Variants in GALNT14 observed in about 807,000 individuals in gnomAD.
GALNT14 encodes the protein UDP-GalNAc:polypeptide N-acetylgalactosaminyltransferase 14.
GALNT14 carries 60 observed loss-of-function variants against 77.5 expected under a neutral mutation model. That is an observed-to-expected ratio of 0.77 (90% CI 0.63 to 0.96). GALNT14 has a LOEUF of 0.96. Among genes scored for constraint, GALNT14 ranks in the 40% least tolerant of loss-of-function variants. GALNT14 has a pLI of 0.00. For synonymous variants in GALNT14, 280 were observed against 281.7 expected (o/e 0.99, Z 0.06); for missense variants, 710 against 731.0 (o/e 0.97, Z 0.33).
chr2:30,958,823 G>A (rs1667519993), intron 3 of GALNT14, among the ~76,000 whole-genome samples: 1 of 152,146 alleles, frequency 6.6e-6, no homozygotes, highest in African/African-American at 2.4e-5. Flanking sequence ...AACCTCTTCT[G>A]TCTAGTTTAT....
intron 13 of GALNT14, among the ~76,000 whole-genome samples, chr2:30,915,708 T>G (rs966168335): frequency 1.3e-5 from 2 of 152,108 alleles, no homozygotes; most frequent in Non-Finnish European, 2.9e-5. Flanking sequence ...GTGGCTTCGT[T>G]TGGGGGCCTG....
intron 2 of GALNT14, among the ~76,000 whole-genome samples, chr2:30,988,775 C>T: frequency 6.6e-6 from 1 of 152,208 alleles, no homozygotes; most frequent in East Asian, 1.9e-4. Context: ...CAGTTCAGAT[C>T]GCTAAACTCC....
chr2:31,036,995 T>C (rs1257084849), intron 1 of GALNT14, among the ~76,000 whole-genome samples: 1 of 152,220 alleles, frequency 6.6e-6, no homozygotes, highest in Non-Finnish European at 1.5e-5. Flanking sequence ...GTCTGGAGTC[T>C]GTTGAACTTC....
At chr2:31,045,442 C>G (rs978592380) in intron 1 of GALNT14, among the ~76,000 whole-genome samples, 4 of 152,036 alleles carry the variant, frequency 2.6e-5, no homozygotes, top group African/African-American at 9.7e-5. Flanking sequence ...ACTTCCATGA[C>G]CCCTCCCCCA....
intron 1 of GALNT14, among the ~76,000 whole-genome samples, chr2:30,999,702 G>T (rs952854622): frequency 6.6e-6 from 1 of 152,168 alleles, no homozygotes; most frequent in Non-Finnish European, 1.5e-5. Context: ...GGTAATGCCT[G>T]CCATTCACTG....
At chr2:31,112,136 C>A (rs925245718) in intron 1 of GALNT14, among the ~76,000 whole-genome samples, 6 of 152,160 alleles carry the variant, frequency 3.9e-5, no homozygotes, top group Admixed American at 6.5e-5. Flanking sequence ...TGTCTTTCTG[C>A]TCCTGCCCAT....
chr2:30,898,612 T>C, the GALNT14 span, among the ~76,000 whole-genome samples: 1 of 152,242 alleles, frequency 6.6e-6, no homozygotes, highest in African/African-American at 2.4e-5. Context: ...GGTTTGAACC[T>C]GTATTATCTA....
chr2:31,122,058 G>A (rs1678439684), intron 1 of GALNT14, among the ~76,000 whole-genome samples: 1 of 152,240 alleles, frequency 6.6e-6, no homozygotes, highest in Non-Finnish European at 1.5e-5. Flanking sequence ...GGACTAGAGA[G>A]AGAGGGAATT....
intron 1 of GALNT14, chr2:31,078,800 A>AG (rs1488244157): frequency 1.6e-6 from 1 of 621,550 alleles, no homozygotes; most frequent in Non-Finnish European, 2.4e-6. Context: ...AGAACAGCAC[A>AG]GGCACACAAG....
rs200700856 is a variant in GALNT14, at chr2:30,950,218, C to CT, written c.655-4349dup. Among the ~76,000 whole-genome samples, 868 of 151,534 alleles carry CT rather than the reference C, an allele frequency of 5.7e-3. 7 individuals are homozygous for CT. The highest frequency in any genetic ancestry group is 0.02 in the African/African-American group (805 of 41,276). On this transcript the variant is annotated intron_variant, in intron 6 of 14. Transcript: ENST00000349752. The stretch of plus-strand genomic sequence containing the variant: ...TGCAGAGATTGGAGTTTCTTAAAAT[C>CT]TTTTTTTTCCCACTAAAGAACTACG...
intron 1 of GALNT14, among the ~76,000 whole-genome samples, chr2:31,061,575 A>G (rs1674593639): frequency 6.6e-6 from 1 of 152,182 alleles, no homozygotes; most frequent in African/African-American, 2.4e-5. Context: ...ATTTTGTGGA[A>G]ACAAACTCAT....
intron 1 of GALNT14, among the ~76,000 whole-genome samples, chr2:31,048,480 C>T (rs1396882234): frequency 6.6e-6 from 1 of 152,100 alleles, no homozygotes; most frequent in East Asian, 1.9e-4. Flanking sequence ...AGCCAAGAAG[C>T]CTAAGGCTGG....
chr2:31,123,037 C>T (rs1678494453), intron 1 of GALNT14, among the ~76,000 whole-genome samples: 1 of 151,950 alleles, frequency 6.6e-6, no homozygotes, highest in African/African-American at 2.4e-5. Flanking sequence ...AAAAAATTAG[C>T]CGGGCGGGGT....
chr2:31,109,096 C>A (rs1677709713), intron 1 of GALNT14, among the ~76,000 whole-genome samples: 1 of 152,204 alleles, frequency 6.6e-6, no homozygotes, highest in Non-Finnish European at 1.5e-5. Context: ...AGATTCCAAC[C>A]CCTAACACCA....
chr2:31,018,714 G>A (rs1053394645), intron 1 of GALNT14, among the ~76,000 whole-genome samples: 1 of 152,138 alleles, frequency 6.6e-6, no homozygotes, highest in African/African-American at 2.4e-5. Flanking sequence ...GAGGGCTTCT[G>A]GGGATGGAAG....
At chr2:31,096,439 T>C (rs944827073) in intron 1 of GALNT14, among the ~76,000 whole-genome samples, 1 of 152,186 alleles carries the variant, frequency 6.6e-6, no homozygotes, top group African/African-American at 2.4e-5. Flanking sequence ...TTTCCTCCTA[T>C]GAAGTTGAGG....
chr2:31,048,701 C>T (rs985927222), intron 1 of GALNT14, among the ~76,000 whole-genome samples: 1 of 151,898 alleles, frequency 6.6e-6, no homozygotes, highest in African/African-American at 2.4e-5. Flanking sequence ...ATCAGAACCA[C>T]GTCTCACTTC....
chr2:31,107,450 C>G (rs1339284393), intron 1 of GALNT14, among the ~76,000 whole-genome samples: 1 of 152,176 alleles, frequency 6.6e-6, no homozygotes, highest in Non-Finnish European at 1.5e-5. Context: ...ATTACACATT[C>G]CACAGATTGT....
intron 2 of GALNT14, among the ~76,000 whole-genome samples, chr2:30,991,708 T>C (rs980648208): frequency 6.6e-6 from 1 of 152,182 alleles, no homozygotes; most frequent in Non-Finnish European, 1.5e-5. Flanking sequence ...CTTTTGGCAA[T>C]GATGGGGATT....
Sources: allele counts gnomAD v4.1 joint callset (sites outside exome capture counted in the v4.1 genomes callset), GRCh38; gene constraint gnomAD v4.1.1; transcripts MANE v1.5; gene names NCBI Gene and HGNC (gene_info 2026-07-23, HGNC 2026-07-21).